The following FBLN5 variants were observed in gnomAD, a reference collection of about 807,000 sequenced individuals.
FBLN5 encodes the protein fibulin 5.
In FBLN5, 24 loss-of-function variants were observed where a neutral mutation model predicts 61.6. The ratio of observed to expected loss-of-function variants is 0.39; its 90% CI spans 0.28 to 0.55. The LOEUF (loss-of-function observed/expected upper bound fraction) is 0.55, where lower values mean the gene tolerates loss of function less well. Among genes scored for constraint, FBLN5 ranks in the 20% least tolerant of loss-of-function variants. The pLI is 0.65. For synonymous variants in FBLN5, 213 were observed against 219.8 expected, an observed-to-expected ratio of 0.97 and a Z score of 0.27; for missense variants, 470 against 594.1, an observed-to-expected ratio of 0.79 and a Z score of 2.17.
chr14:91,934,831 C>G (rs2055985767), intron 4 of FBLN5, among the ~76,000 whole-genome samples: 1 of 152,182 alleles, frequency 6.6e-6, no homozygotes, highest in African/African-American at 2.4e-5. Context: ...CCAGGCCCAC[C>G]TCTCTTCCAT....
At chr14:91,883,654 AAAC>A (rs1400785737) in intron 7 of FBLN5, among the ~76,000 whole-genome samples, 2 of 147,784 alleles carry the variant, frequency 1.4e-5, no homozygotes, top group South Asian at 2.1e-4. Context: ...GTAAAAAAAA[AAAC>A]AAAAAAAACA....
chr14:91,918,388 G>A (rs1595333456), intron 4 of FBLN5, among the ~76,000 whole-genome samples: 1 of 152,204 alleles, frequency 6.6e-6, no homozygotes, highest in South Asian at 2.1e-4. Context: ...AGAAACAAGA[G>A]GGCAGAAGGT....
At chr14:91,944,931 G>T (rs1188787895) in intron 1 of FBLN5, among the ~76,000 whole-genome samples, 1 of 152,032 alleles carries the variant, frequency 6.6e-6, no homozygotes, top group Non-Finnish European at 1.5e-5. Flanking sequence ...GGTTATGGTA[G>T]AAAAAAAGAC....
chr14:91,942,913 A>G lies in FBLN5; in HGVS notation c.66T>C (p.Asn22=). The G allele has an allele frequency of 6.5e-7, 1 of 1,543,386 alleles. No homozygotes were observed. The highest frequency in any genetic ancestry group is 1.2e-5 in the South Asian group (1 of 83,898). The change falls in exon 2 of 11, where the codon AAT becomes AAC. Residue 22 remains asparagine (N), a synonymous_variant. Transcript: ENST00000342058. ...TTAAAAATAAAAATCTTACCTGTGC[A>G]TTCCCAGGGCTTGGAAGACAGAGAG... ...ILALCLPSPG[N]AQAQCTNGFD...
At chr14:91,890,283 A>G (rs1889930795) in intron 6 of FBLN5, among the ~76,000 whole-genome samples, 1 of 152,218 alleles carries the variant, frequency 6.6e-6, no homozygotes, top group Non-Finnish European at 1.5e-5. Context: ...AAGGAGACCT[A>G]ATAGCCTCCA....
chr14:91,906,925 T>C (rs1042093593), intron 4 of FBLN5, among the ~76,000 whole-genome samples: 3 of 152,254 alleles, frequency 2.0e-5, no homozygotes, highest in Non-Finnish European at 4.4e-5. Flanking sequence ...TACAGTCTAG[T>C]TGAAAACAGA....
chr14:91,918,155 T>C (rs1442213170), intron 4 of FBLN5, among the ~76,000 whole-genome samples: 2 of 152,206 alleles, frequency 1.3e-5, no homozygotes, highest in East Asian at 1.9e-4. Flanking sequence ...CATAACAAGA[T>C]GGGTGACCTG....
intron 4 of FBLN5, among the ~76,000 whole-genome samples, chr14:91,900,067 T>C (rs1298311476): frequency 6.6e-6 from 1 of 152,202 alleles, no homozygotes; most frequent in Non-Finnish European, 1.5e-5. Flanking sequence ...TCCTTCACTG[T>C]ATGGAGTTCT....
intron 10 of FBLN5, among the ~76,000 whole-genome samples, chr14:91,871,937 A>G (rs1023602806): frequency 1.4e-4 from 21 of 152,108 alleles, no homozygotes; most frequent in African/African-American, 4.8e-4. Flanking sequence ...CATGGGCATC[A>G]CCAGGGAGCT....
rs1889520232 is a variant in FBLN5 at position 91,882,415 on chromosome 14, G to A, written c.862+539C>T. Among the ~76,000 whole-genome samples the A allele has an allele frequency of 6.6e-6, 1 of 152,198 alleles. No homozygotes were observed. Among genetic ancestry groups the A allele is most frequent in the Admixed American group, 6.5e-5 (1 of 15,286 alleles). On this transcript the variant is annotated intron_variant, in intron 8 of 10. Coordinates refer to ENST00000342058, the MANE Select transcript of FBLN5 (RefSeq NM_006329.4). This position sits in a 1 kb window ranked among gnomAD's most constrained non-coding sequence, Gnocchi z 4.9. ...CCTCAGTGGGTGGAGCATGGGGCTG[G>A]AACCCAGGCTAAGCAGGCAAACAGG... is the stretch of plus-strand genomic sequence containing the variant.
intron 4 of FBLN5, among the ~76,000 whole-genome samples, chr14:91,924,478 A>G (rs954207753): frequency 1.3e-5 from 2 of 152,062 alleles, no homozygotes; most frequent in Non-Finnish European, 1.5e-5. Flanking sequence ...GCCTGAGCTC[A>G]GGAGTTTGAG....
intron 4 of FBLN5, among the ~76,000 whole-genome samples, chr14:91,896,121 A>C (rs1377645039): frequency 2.6e-5 from 4 of 152,174 alleles, no homozygotes; most frequent in Non-Finnish European, 5.9e-5. Context: ...TCAGTGCTCA[A>C]AACTGTTTGT....
chr14:91,927,493 A>T (rs2055849191), intron 4 of FBLN5, among the ~76,000 whole-genome samples: 1 of 152,242 alleles, frequency 6.6e-6, no homozygotes, highest in Non-Finnish European at 1.5e-5. Context: ...CACTTACATC[A>T]GAAGGATTTT....
At chr14:91,878,193 G>A (rs1050545391) in intron 9 of FBLN5, among the ~76,000 whole-genome samples, 1 of 152,144 alleles carries the variant, frequency 6.6e-6, no homozygotes, top group Non-Finnish European at 1.5e-5. Flanking sequence ...CTTGTCATTC[G>A]ATAATTGATA....
At chr14:91,901,168 C>A (rs893749499) in intron 4 of FBLN5, among the ~76,000 whole-genome samples, 1 of 152,212 alleles carries the variant, frequency 6.6e-6, no homozygotes, top group Non-Finnish European at 1.5e-5. Context: ...TATGATCAAC[C>A]TTTTCACAAT....
chr14:91,913,235 G>C (rs1891035240), intron 4 of FBLN5, among the ~76,000 whole-genome samples: 1 of 152,050 alleles, frequency 6.6e-6, no homozygotes, highest in Non-Finnish European at 1.5e-5. Flanking sequence ...CCACTAACTA[G>C]CTTTATGTCC....
chr14:91,932,239 T>C (rs1202265806), intron 4 of FBLN5, among the ~76,000 whole-genome samples: 3 of 152,192 alleles, frequency 2.0e-5, no homozygotes, highest in Non-Finnish European at 1.5e-5. Flanking sequence ...GCTTGGCTCG[T>C]GGACTATAAT....
At chr14:91,880,526 CGTGT>C (rs140201135) in intron 9 of FBLN5, among the ~76,000 whole-genome samples, 59,688 of 147,314 alleles carry the variant, frequency 0.41, 12,303 homozygotes, top group Middle Eastern at 0.46. Flanking sequence ...AGTGTGCGTG[CGTGT>C]GTGTGTGTGT....
intron 4 of FBLN5, among the ~76,000 whole-genome samples, chr14:91,925,470 C>T (rs2055812034): frequency 6.6e-6 from 1 of 152,192 alleles, no homozygotes; most frequent in South Asian, 2.1e-4. Flanking sequence ...GTTTCCAAGA[C>T]AAACAGGAGC....
Sources: allele counts gnomAD v4.1 joint callset (sites outside exome capture counted in the v4.1 genomes callset), GRCh38; gene constraint gnomAD v4.1.1; non-coding constraint Gnocchi (gnomAD v3.1); transcripts MANE v1.5; gene names NCBI Gene and HGNC (gene_info 2026-07-23, HGNC 2026-07-21).